The following PSD2 variants were observed in gnomAD, a reference collection of about 807,000 sequenced individuals.
PSD2 encodes PH and SEC7 domain-containing protein 2.
Under a neutral mutation model 69.8 loss-of-function variants are expected in PSD2, and 38 were observed. The ratio of observed to expected loss-of-function variants is 0.54; its 90% CI spans 0.42 to 0.71. PSD2 has a LOEUF of 0.71. Ranked by LOEUF, PSD2 falls within the 30% of genes least tolerant of loss-of-function variation. The pLI is 0.00. For synonymous variants in PSD2, 412 were observed against 423.0 expected (o/e 0.97, Z 0.32); for missense variants, 943 against 1,014.5 (o/e 0.93, Z 0.96).
At chr5:139,746,687 G>C in the PSD2 span, among the ~76,000 whole-genome samples, 1 of 152,208 alleles carries the variant, frequency 6.6e-6, no homozygotes, top group Admixed American at 6.5e-5. The surrounding 1 kb of genome is among the most constrained non-coding windows in gnomAD (Gnocchi z 4.5). Context: ...ATGCGCGAGG[G>C]AGGCTGCTAG....
At chr5:139,771,908 G>T in the PSD2 span, among the ~76,000 whole-genome samples, 25 of 152,302 alleles carry the variant, frequency 1.6e-4, no homozygotes, top group African/African-American at 6.0e-4. Context: ...CCCTTCCAAG[G>T]GCAGGGCCTG....
chr5:139,803,923 G>T (rs914599442), intron 1 of PSD2, among the ~76,000 whole-genome samples: 3 of 152,122 alleles, frequency 2.0e-5, no homozygotes, highest in African/African-American at 7.2e-5. Flanking sequence ...CTACAAGGGA[G>T]CATGGTTAGG....
At chr5:139,759,352 C>T in the PSD2 span, among the ~76,000 whole-genome samples, 2 of 151,992 alleles carry the variant, frequency 1.3e-5, no homozygotes, top group Admixed American at 6.5e-5. Context: ...CTCGTTTCCC[C>T]CACATTCTCC....
chr5:139,837,764 T>C lies in PSD2; in HGVS notation c.1805T>C (p.Val602Ala). Residue 602 changes from valine (V) to alanine (A), a missense_variant, in exon 12 of 15, where the codon GTA (valine) becomes GCA (alanine). Val to Ala is a moderately conservative substitution (Grantham distance 64, BLOSUM62 0). This residue lies in a region of PSD2 where 312 missense variants were observed against 400.7 expected (regional missense o/e 0.78). Coordinates refer to ENST00000274710, the MANE Select transcript of PSD2 (RefSeq NM_032289.4). The surrounding 1 kb of genome is among the most constrained non-coding windows in gnomAD (Gnocchi z 5.0). Reference protein sequence around the residue: ...VLKLKTADWRVFLFQAPSKEE... With the variant: ...VLKLKTADWRAFLFQAPSKEE... Reference sequence around the variant, plus strand: ...AAGCTTAAGACAGCCGACTGGAGGGTATTCCTCTTCCAGGCACCGTGAGTA... The same window carrying C: ...AAGCTTAAGACAGCCGACTGGAGGGCATTCCTCTTCCAGGCACCGTGAGTA... 6.2e-7 allele frequency: 1 copy of C among 1,611,732 alleles called. No homozygotes were observed. Among genetic ancestry groups the C allele is most frequent in the South Asian group, 1.1e-5 (1 of 90,946 alleles).
the PSD2 span, among the ~76,000 whole-genome samples, chr5:139,754,225 T>C: frequency 6.6e-6 from 1 of 151,420 alleles, no homozygotes; most frequent in Admixed American, 6.6e-5. Context: ...CCCAATACTT[T>C]GGGAGGCCAG....
the PSD2 span, among the ~76,000 whole-genome samples, chr5:139,778,052 C>T: frequency 6.6e-5 from 10 of 152,314 alleles, no homozygotes; most frequent in Admixed American, 2.6e-4. Context: ...AATGAAGAAG[C>T]GAGGGCTTCA....
intron 14 of PSD2, among the ~76,000 whole-genome samples, chr5:139,841,783 C>T (rs187019063): frequency 1.2e-4 from 19 of 152,184 alleles, no homozygotes; most frequent in East Asian, 3.9e-4. Context: ...GCTTGTTGGC[C>T]GTTTGTATGC....
chr5:139,777,934 C>T, the PSD2 span, among the ~76,000 whole-genome samples: 4 of 152,232 alleles, frequency 2.6e-5, no homozygotes, highest in South Asian at 8.3e-4. Context: ...TGAAGCATTG[C>T]CCTCCAGACA....
chr5:139,826,031 C>T (rs934084161), intron 7 of PSD2, among the ~76,000 whole-genome samples: 3 of 152,088 alleles, frequency 2.0e-5, no homozygotes, highest in South Asian at 4.1e-4. Flanking sequence ...GACAGCATTT[C>T]GAGGAGAAGG....
intron 7 of PSD2, among the ~76,000 whole-genome samples, chr5:139,827,958 G>A (rs911657064): frequency 1.3e-5 from 2 of 152,128 alleles, no homozygotes; most frequent in African/African-American, 2.4e-5. Context: ...TGGAGTGAGG[G>A]TTCTAAAGAA....
At chr5:139,817,276 A>T (rs1180778364) in intron 4 of PSD2, among the ~76,000 whole-genome samples, 1 of 151,770 alleles carries the variant, frequency 6.6e-6, no homozygotes, top group Non-Finnish European at 1.5e-5. Context: ...CCCTGTGTTG[A>T]CTGAGACATC....
In PSD2 at chr5:139,842,569, T is replaced by C; in HGVS notation, c.*95T>C. 8.9e-7 allele frequency: 1 copy of C among 1,125,632 alleles called. No homozygotes were observed. The highest frequency in any genetic ancestry group is 1.3e-6 in the Non-Finnish European group (1 of 761,594). The allele number at this position is 1,125,632 out of a possible 1,614,324, so 69.7% of individuals were successfully genotyped here. A position where few individuals can be genotyped will look rare whatever the true frequency, so the allele number is the denominator to read the frequency against. On this transcript the variant is annotated 3_prime_UTR_variant, in exon 15 of 15. Coordinates refer to ENST00000274710, the MANE Select transcript of PSD2 (RefSeq NM_032289.4). ...AGGGGCCACTTGGACCAAGCTCCAGTCAGTTGATGGGCAGCTAGAGGGGTG... is the reference window on the plus strand; with the variant it reads ...AGGGGCCACTTGGACCAAGCTCCAGCCAGTTGATGGGCAGCTAGAGGGGTG...
chr5:139,817,659 G>A (rs1322355585), intron 5 of PSD2, 98 bp downstream of exon 5: 5 of 1,109,466 alleles, frequency 4.5e-6, no homozygotes, highest in African/African-American at 1.6e-5. Flanking sequence ...ACAACCTTGG[G>A]CAAGTCTTTT....
chr5:139,765,795 C>A, the PSD2 span, among the ~76,000 whole-genome samples: 1 of 152,258 alleles, frequency 6.6e-6, no homozygotes, highest in Non-Finnish European at 1.5e-5. Context: ...CGCACCCCTG[C>A]CCCGCATCTT....
intron 7 of PSD2, among the ~76,000 whole-genome samples, chr5:139,825,868 A>G (rs1184230625): frequency 1.3e-5 from 2 of 152,178 alleles, no homozygotes; most frequent in Admixed American, 1.3e-4. Context: ...GGACTGGCTG[A>G]TTGCCATGTC....
intron 2 of PSD2, among the ~76,000 whole-genome samples, chr5:139,810,572 G>C (rs1426833622): frequency 6.6e-6 from 1 of 152,186 alleles, no homozygotes; most frequent in Non-Finnish European, 1.5e-5. Flanking sequence ...TGAACGTGTT[G>C]GTATGCATGG....
chr5:139,798,689 A>C (rs1358331401), intron 1 of PSD2, among the ~76,000 whole-genome samples: 2 of 152,128 alleles, frequency 1.3e-5, no homozygotes, highest in Admixed American at 6.6e-5. Flanking sequence ...CAATCTTTTG[A>C]AAGTAAGTTG....
At chr5:139,835,634 T>C (rs1760696370) in intron 8 of PSD2, 89 bp from the exon 9 acceptor site, 3 of 1,335,906 alleles carry the variant, frequency 2.2e-6, no homozygotes, top group Non-Finnish European at 3.2e-6. Context: ...GAAAAGGTGC[T>C]CCCTCACTGT....
the PSD2 span, among the ~76,000 whole-genome samples, chr5:139,754,095 C>T: frequency 1.3e-5 from 2 of 152,190 alleles, no homozygotes; most frequent in Non-Finnish European, 2.9e-5. Flanking sequence ...CTTGGCCTCC[C>T]AAAGTGCTGG....
Sources: allele counts gnomAD v4.1 joint callset (sites outside exome capture counted in the v4.1 genomes callset), GRCh38; gene constraint gnomAD v4.1.1; regional missense constraint gnomAD v4.1.1; non-coding constraint Gnocchi (gnomAD v3.1); transcripts MANE v1.5; gene names NCBI Gene and HGNC (gene_info 2026-07-23, HGNC 2026-07-21).